GSG1L: variants seen among roughly 807,000 people sequenced by gnomAD.
The protein encoded by GSG1L is germ cell-specific gene 1-like protein.
Under a neutral mutation model 42.1 loss-of-function variants are expected in GSG1L, and 24 were observed. The observed-to-expected ratio is 0.57, with a 90% CI of 0.41 to 0.80. The LOEUF is 0.80. Among genes scored for constraint, GSG1L ranks in the 30% least tolerant of loss-of-function variants. The pLI is 0.00. For synonymous variants in GSG1L, 215 were observed against 203.5 expected, an observed-to-expected ratio of 1.06 and a Z score of -0.48; for missense variants, 445 against 472.2, an observed-to-expected ratio of 0.94 and a Z score of 0.53.
intron 1 of GSG1L, among the ~76,000 whole-genome samples, chr16:28,027,331 G>T (rs74016610): frequency 0.062 from 9,509 of 152,196 alleles, 367 homozygotes; most frequent in Admixed American, 0.12. Context: ...TATAAATCAG[G>T]CCAATGAGAG....
intron 6 of GSG1L, among the ~76,000 whole-genome samples, chr16:27,801,225 CCT>C (rs895515957): frequency 1.1e-4 from 16 of 152,214 alleles, no homozygotes; most frequent in African/African-American, 3.6e-4. Flanking sequence ...GAAGGAGTGG[CCT>C]CTCTCCCAGG....
At position 28,024,612 on chromosome 16, in the gene GSG1L, G is replaced by A. The variant is rs931379262; in HGVS notation, c.349+38464C>T. On this transcript the variant is annotated intron_variant, in intron 1 of 6. Transcript: ENST00000447459. ...AAATACAGCAGCAAGGGCAGAAGTC[G>A]CCCTCAGAGATGTCCAGTATGAAGT... Among the ~76,000 whole-genome samples, 14 of 152,322 alleles carry A rather than the reference G, an allele frequency of 9.2e-5. No individual in the cohort carries two copies. The East Asian group carries it at 1.9e-3, about 21-fold the overall frequency.
chr16:28,047,010 T>G (rs1230902470), intron 1 of GSG1L, among the ~76,000 whole-genome samples: 1 of 152,212 alleles, frequency 6.6e-6, no homozygotes, highest in Non-Finnish European at 1.5e-5. Context: ...CTAGTCATCC[T>G]CTTCACTGAA....
chr16:27,997,856 CTTTTTTTTTTTT>C lies in GSG1L; in HGVS notation c.350-34665_350-34654del, dbSNP rs35354576. On this transcript the variant is annotated intron_variant, in intron 1 of 6. Coordinates refer to ENST00000447459, the MANE Select transcript of GSG1L (RefSeq NM_001109763.2). Reference sequence around the variant, plus strand: ...CCCTCACTCCCTCCCACCCTCTCCACTTTTTTTTTTTTTTTTTTTTTGAGATAGAGTCTCACT... The same window carrying C: ...CCCTCACTCCCTCCCACCCTCTCCACTTTTTTTTTGAGATAGAGTCTCACT... Among the ~76,000 whole-genome samples, 5 of 85,132 alleles carry C rather than the reference CTTTTTTTTTTTT, an allele frequency of 5.9e-5. No homozygotes were observed. The East Asian group carries it at 2.0e-3, about 35-fold the overall frequency. The allele number at this position is 85,132 out of a possible 152,430, so 55.8% of individuals were successfully genotyped here. A position where few individuals can be genotyped will look rare whatever the true frequency, so the allele number is the denominator to read the frequency against.
At chr16:27,914,246 A>G (rs543491442) in intron 2 of GSG1L, among the ~76,000 whole-genome samples, 1 of 152,332 alleles carries the variant, frequency 6.6e-6, no homozygotes, top group African/African-American at 2.4e-5. Context: ...TGATACAAGG[A>G]CTGTCATGGC....
At chr16:27,841,162 C>T (rs1044898767) in intron 4 of GSG1L, among the ~76,000 whole-genome samples, 2 of 152,166 alleles carry the variant, frequency 1.3e-5, no homozygotes, top group Non-Finnish European at 2.9e-5. Context: ...TCCCATTTTC[C>T]AGCTGAGGAC....
At chr16:27,993,729 G>A (rs1397209875) in intron 1 of GSG1L, among the ~76,000 whole-genome samples, 1 of 152,162 alleles carries the variant, frequency 6.6e-6, no homozygotes, top group African/African-American at 2.4e-5. Flanking sequence ...CACAGATAAG[G>A]AAACTTGCAC....
chr16:27,990,194 T>C (rs546439151), intron 1 of GSG1L, among the ~76,000 whole-genome samples: 93 of 152,212 alleles, frequency 6.1e-4, no homozygotes, highest in Non-Finnish European at 1.0e-3. Context: ...TTGTTTCTTT[T>C]TATGTTTTGT....
chr16:27,828,083 C>T (rs1353544080), intron 5 of GSG1L, among the ~76,000 whole-genome samples: 1 of 150,996 alleles, frequency 6.6e-6, no homozygotes, highest in Non-Finnish European at 1.5e-5. Flanking sequence ...TCCATCCATC[C>T]ATCCATCACC....
chr16:27,964,495 C>T (rs2085107200), intron 1 of GSG1L, among the ~76,000 whole-genome samples: 1 of 152,138 alleles, frequency 6.6e-6, no homozygotes, highest in Non-Finnish European at 1.5e-5. Context: ...TTGTGGATAG[C>T]AGCACTATCC....
intron 1 of GSG1L, among the ~76,000 whole-genome samples, chr16:28,046,087 A>G (rs936745973): frequency 1.3e-5 from 2 of 152,212 alleles, no homozygotes; most frequent in African/African-American, 4.8e-5. Flanking sequence ...GGGAAAAATC[A>G]TGTAGGATTT....
At chr16:27,815,280 G>C (rs891826259) in intron 5 of GSG1L, among the ~76,000 whole-genome samples, 3 of 152,160 alleles carry the variant, frequency 2.0e-5, no homozygotes, top group Admixed American at 6.5e-5. Context: ...GTTCAGGAGA[G>C]AGCTGGTTGT....
At chr16:28,028,837 C>A in intron 1 of GSG1L, among the ~76,000 whole-genome samples, 1 of 152,230 alleles carries the variant, frequency 6.6e-6, no homozygotes, top group East Asian at 1.9e-4. Context: ...TGCCTCTCTT[C>A]ACAGTGCTGT....
At chr16:27,805,796 G>A (rs1190144510) in intron 6 of GSG1L, among the ~76,000 whole-genome samples, 5 of 148,710 alleles carry the variant, frequency 3.4e-5, no homozygotes, top group African/African-American at 1.2e-4. Flanking sequence ...GGGTGGGTTG[G>A]AGGGGTTTTG....
At chr16:27,851,201 G>GT (rs1322587299) in intron 3 of GSG1L, among the ~76,000 whole-genome samples, 2 of 152,078 alleles carry the variant, frequency 1.3e-5, no homozygotes, top group Non-Finnish European at 2.9e-5. Flanking sequence ...TTGTCTGTTT[G>GT]TTTTTTGTTT....
chr16:27,888,474 C>CTT (rs1567505813), intron 2 of GSG1L, among the ~76,000 whole-genome samples: 3 of 42,236 alleles, frequency 7.1e-5, no homozygotes, highest in African/African-American at 7.0e-5. Context: ...CTCTCTCTCT[C>CTT]TCTCTTTCCT....
chr16:27,814,179 A>C (rs1026417007), intron 5 of GSG1L, among the ~76,000 whole-genome samples: 1 of 152,068 alleles, frequency 6.6e-6, no homozygotes, highest in African/African-American at 2.4e-5. Flanking sequence ...TGGCACAATC[A>C]TATCTCACTG....
intron 2 of GSG1L, among the ~76,000 whole-genome samples, chr16:27,948,852 G>A (rs952650957): frequency 1.1e-4 from 16 of 148,772 alleles, no homozygotes; most frequent in Admixed American, 3.3e-4. Flanking sequence ...CTCGTGATCC[G>A]CCTGCCTCGG....
At chr16:27,800,750 G>A (rs535885284) in intron 6 of GSG1L, among the ~76,000 whole-genome samples, 3 of 152,270 alleles carry the variant, frequency 2.0e-5, no homozygotes, top group East Asian at 3.9e-4. Context: ...GGGAGGTGGT[G>A]GGAGAAACGT....
Sources: allele counts gnomAD v4.1 joint callset (sites outside exome capture counted in the v4.1 genomes callset), GRCh38; gene constraint gnomAD v4.1.1; transcripts MANE v1.5; gene names NCBI Gene and HGNC (gene_info 2026-07-23, HGNC 2026-07-21).